SPAG9: variants seen among roughly 807,000 people sequenced by gnomAD.
The protein encoded by SPAG9 is sperm associated antigen 9.
A neutral mutation model predicts 166.5 loss-of-function variants in SPAG9; 35 were observed. The observed-to-expected ratio is 0.21, with a 90% CI of 0.16 to 0.28. The LOEUF is 0.28. Among genes scored for constraint, SPAG9 ranks in the 10% least tolerant of loss-of-function variants. The pLI, the probability that SPAG9 is intolerant of heterozygous loss-of-function variation, is 1.00. For synonymous variants in SPAG9, 534 were observed against 565.5 expected, an observed-to-expected ratio of 0.94 and a Z score of 0.79; for missense variants, 1,235 against 1,603.3, an observed-to-expected ratio of 0.77 and a Z score of 3.92.
intron 4 of SPAG9, chr17:51,046,740 C>G (rs2047035388): frequency 2.6e-6 from 4 of 1,535,650 alleles, no homozygotes; most frequent in Non-Finnish European, 2.6e-6. Context: ...TAGTGAGGAT[C>G]TGTCATTCAG....
Position 51,079,636 on chromosome 17 carries a change from T to C in SPAG9, c.372A>G (p.Leu124=), listed in dbSNP as rs760601269. The change falls in exon 2 of 30, where the codon TTA becomes TTG. Residue 124 remains leucine (L), a synonymous_variant. Transcript: ENST00000262013. ...GCTCAAGTTGTCTTGTTTGAGATTC[T>C]AAAGATTCCACTCGGGTCTGTAAGT... is the stretch of plus-strand genomic sequence containing the variant. ...KKDLQTRVES[L]ESQTRQLELK... The C allele has an allele frequency of 2.5e-5, 40 of 1,613,224 alleles. 1 individual carries two copies. Among genetic ancestry groups the C allele is most frequent in the Middle Eastern group, 3.3e-4 (2 of 6,082 alleles).
chr17:51,050,112 T>C (rs2047141474), intron 3 of SPAG9, among the ~76,000 whole-genome samples: 1 of 152,214 alleles, frequency 6.6e-6, no homozygotes, highest in Non-Finnish European at 1.5e-5. Context: ...ACTGATTCTC[T>C]ATTATCTTAT....
chr17:51,031,324 G>T (rs932120795), intron 6 of SPAG9: 2 of 272,992 alleles, frequency 7.3e-6, no homozygotes, highest in Non-Finnish European at 1.4e-5. Context: ...TGACACACTA[G>T]GCCACATTCA....
chr17:51,077,021 T>TCTATCTAGCTATCTAGCTAGCTATCTAG, intron 2 of SPAG9, among the ~76,000 whole-genome samples: 1 of 76,146 alleles, frequency 1.3e-5, no homozygotes, highest in South Asian at 3.5e-4. Flanking sequence ...TAGCTAGCTA[T>TCTATCTAGCTATCTAGCTAGCTATCTAG]CTAGCTATCT....
intron 9 of SPAG9, among the ~76,000 whole-genome samples, chr17:51,009,481 G>GT (rs1294802255): frequency 2.6e-5 from 4 of 152,106 alleles, no homozygotes; most frequent in Non-Finnish European, 4.4e-5. Context: ...AAAATTCACC[G>GT]TATGATCCAT....
intron 20 of SPAG9, 120 bp downstream of exon 20, chr17:50,990,330 C>T (rs1975436013): frequency 3.6e-6 from 3 of 822,358 alleles, no homozygotes; most frequent in Non-Finnish European, 5.9e-6. Context: ...GCCCGGCCTA[C>T]AGTATCTTCT....
At chr17:51,027,578 G>A (rs942777898) in intron 6 of SPAG9, among the ~76,000 whole-genome samples, 2 of 152,132 alleles carry the variant, frequency 1.3e-5, no homozygotes, top group African/African-American at 4.8e-5. Flanking sequence ...AGCATATATA[G>A]TGGTGGTCCC....
At chr17:51,011,180 C>T (rs182489608) in intron 9 of SPAG9, among the ~76,000 whole-genome samples, 88 of 151,936 alleles carry the variant, frequency 5.8e-4, no homozygotes, top group Non-Finnish European at 1.0e-3. Flanking sequence ...AAAAAGGTTG[C>T]GCTGGCGTGA....
chr17:51,057,279 C>A (rs9675254), intron 2 of SPAG9, among the ~76,000 whole-genome samples: 1 of 151,976 alleles, frequency 6.6e-6, no homozygotes, highest in Admixed American at 6.5e-5. Flanking sequence ...ACTGGAGGAG[C>A]CCATACTTGG....
intron 5 of SPAG9, among the ~76,000 whole-genome samples, chr17:51,035,714 A>T (rs1307630446): frequency 1.3e-5 from 2 of 152,232 alleles, no homozygotes; most frequent in East Asian, 3.8e-4. Flanking sequence ...ATCACAAGTC[A>T]TGTGATTTTA....
At chr17:51,050,426 T>C (rs369906323) in intron 3 of SPAG9, among the ~76,000 whole-genome samples, 3 of 152,370 alleles carry the variant, frequency 2.0e-5, no homozygotes, top group South Asian at 4.1e-4. Context: ...GTCTGGTCAA[T>C]GACTAACTTT....
intron 4 of SPAG9, among the ~76,000 whole-genome samples, chr17:51,041,962 T>C (rs995852240): frequency 6.6e-6 from 1 of 152,190 alleles, no homozygotes; most frequent in African/African-American, 2.4e-5. Flanking sequence ...GAAGAGCTGC[T>C]GCTGGGTTTT....
intron 28 of SPAG9, among the ~76,000 whole-genome samples, chr17:50,973,188 T>C (rs1387532109): frequency 2.0e-5 from 3 of 152,126 alleles, no homozygotes; most frequent in African/African-American, 7.2e-5. Context: ...ACATGTAAAG[T>C]CCAAAACCAC....
intron 21 of SPAG9, among the ~76,000 whole-genome samples, chr17:50,988,701 A>G (rs557501471): frequency 6.6e-6 from 1 of 152,228 alleles, no homozygotes; most frequent in South Asian, 2.1e-4. Context: ...CCATAGGTGC[A>G]CGCTACCACG....
intron 9 of SPAG9, among the ~76,000 whole-genome samples, chr17:51,011,207 T>C (rs1409417166): frequency 6.6e-6 from 1 of 151,748 alleles, no homozygotes; most frequent in Non-Finnish European, 1.5e-5. Flanking sequence ...ATGCCTGTAG[T>C]CCCAGCTACT....
chr17:51,112,313 G>A (rs746483912), intron 1 of SPAG9, among the ~76,000 whole-genome samples: 3 of 141,750 alleles, frequency 2.1e-5, no homozygotes, highest in Non-Finnish European at 4.5e-5. Context: ...GTAAGAAAAT[G>A]TCTTGAGGCC....
At chr17:50,992,444 G>A (rs1383980777) in intron 19 of SPAG9, among the ~76,000 whole-genome samples, 1 of 152,146 alleles carries the variant, frequency 6.6e-6, no homozygotes, top group Admixed American at 6.5e-5. Context: ...GCCAAGGCAG[G>A]CAGATCACTT....
At chr17:51,043,488 T>C (rs2046916961) in intron 4 of SPAG9, among the ~76,000 whole-genome samples, 1 of 152,222 alleles carries the variant, frequency 6.6e-6, no homozygotes, top group Non-Finnish European at 1.5e-5. Flanking sequence ...TCTTCTTCTT[T>C]GATTTTAAAA....
At chr17:51,080,291 A>C (rs1194755340) in intron 1 of SPAG9, among the ~76,000 whole-genome samples, 1 of 151,234 alleles carries the variant, frequency 6.6e-6, no homozygotes, top group Non-Finnish European at 1.5e-5. Context: ...GCTCTCCTTA[A>C]AACTTTTTTT....
Sources: gnomAD v4.1 joint callset for allele counts (sites outside exome capture counted in the v4.1 genomes callset) on GRCh38, gnomAD v4.1.1 for gene constraint, MANE v1.5 for transcripts, NCBI Gene and HGNC (gene_info 2026-07-23, HGNC 2026-07-21) for gene names.